Variants in PHRF1 observed in about 807,000 individuals in gnomAD.
PHRF1 encodes the protein PHD and RING finger domain-containing protein 1.
PHRF1 carries 53 observed loss-of-function variants against 128.9 expected under a neutral mutation model. The ratio of observed to expected loss-of-function variants is 0.41; its 90% CI spans 0.33 to 0.52. The LOEUF (loss-of-function observed/expected upper bound fraction) is 0.52, where lower values mean the gene tolerates loss of function less well. Among genes scored for constraint, PHRF1 ranks in the 20% least tolerant of loss-of-function variants. The pLI, the probability that PHRF1 is intolerant of heterozygous loss-of-function variation, is 0.21. For synonymous variants in PHRF1, 1,178 were observed against 980.6 expected, an observed-to-expected ratio of 1.20 and a Z score of -3.76; for missense variants, 2,503 against 2,284.5, an observed-to-expected ratio of 1.10 and a Z score of -1.95.
chr11:578,366 C>T (rs959878254), intron 1 of PHRF1, among the ~76,000 whole-genome samples: 4 of 152,170 alleles, frequency 2.6e-5, no homozygotes, highest in African/African-American at 4.8e-5. Context: ...GTAAGAGGCC[C>T]GTGGAGTCTT....
Position 610,509 on chromosome 11 carries a change from C to T in PHRF1, c.4425C>T (p.Ser1475=). 6.2e-7 allele frequency: 1 copy of T among 1,603,440 alleles called. No individual in the cohort carries two copies. Among genetic ancestry groups the T allele is most frequent in the Non-Finnish European group, 8.5e-7 (1 of 1,178,448 alleles). Residue 1475 remains serine (S), a synonymous_variant, in exon 16 of 18, where the codon AGC becomes AGT. Transcript: ENST00000264555. ...AGGGGTGTCCCTCCCAGGTTTACAG[C>T]CCCGGCCTGCCGCCTGCCCCGGCCC... ...FPDTDPSQVY[S]PGLPPAPAQP...
At chr11:590,730 T>C (rs1261920094) in intron 4 of PHRF1, among the ~76,000 whole-genome samples, 1 of 152,064 alleles carries the variant, frequency 6.6e-6, no homozygotes, top group Non-Finnish European at 1.5e-5. Context: ...TGAGATGGAG[T>C]TTGGCTCTTG....
At chr11:610,406 A>C in intron 15 of PHRF1, 59 bp downstream of exon 15, 1 of 1,538,376 alleles carries the variant, frequency 6.5e-7, no homozygotes, top group Non-Finnish European at 8.8e-7. Context: ...CCCGTGCCAC[A>C]CACACCACAC....
chr11:608,512 C>T lies in PHRF1; in HGVS notation c.3056C>T (p.Ser1019Phe). ...TCCAGGGAGCACGGACGGACGCGCT[C>T]TGGGACGCGCTCTGAATCCAGGGAC... ...RVSREHGRTRSGTRSESRDRS... is the reference protein window; with the variant it reads ...RVSREHGRTRFGTRSESRDRS... Residue 1019 changes from serine to phenylalanine, a missense_variant, in exon 14 of 18, where the codon TCT (serine) becomes TTT (phenylalanine). Transcript: ENST00000264555. 1.4e-6 allele frequency: 2 copies of T among 1,448,056 alleles called. No individual in the cohort carries two copies. Among genetic ancestry groups the T allele is most frequent in the Non-Finnish European group, 1.9e-6 (2 of 1,074,904 alleles). The allele number at this position is 1,448,056 out of a possible 1,614,324, so 89.7% of individuals were successfully genotyped here. A position where few individuals can be genotyped will look rare whatever the true frequency, so the allele number is the denominator to read the frequency against.
intron 6 of PHRF1, among the ~76,000 whole-genome samples, chr11:595,267 G>A (rs1855213632): frequency 6.6e-6 from 1 of 152,190 alleles, no homozygotes. Context: ...AGGTTGCAGT[G>A]AGCCGAGATT....
chr11:610,804 CTTTGAAACTAAAGTTG>C, intron 16 of PHRF1, 43 bp downstream of exon 16: 1 of 1,590,418 alleles, frequency 6.3e-7, no homozygotes, highest in Non-Finnish European at 8.5e-7. Context: ...TCCCATCTTA[CTTTGAAACTAAAGTTG>C]TTGGGGCTGA....
chr11:585,170 C>T (rs1854457991), intron 3 of PHRF1, among the ~76,000 whole-genome samples: 2 of 152,214 alleles, frequency 1.3e-5, no homozygotes, highest in South Asian at 2.1e-4. Flanking sequence ...ATTGCTTTTC[C>T]CACCCTGGTG....
chr11:607,450 C>G lies in PHRF1; in HGVS notation c.1994C>G (p.Pro665Arg), dbSNP rs1777739890. ...CCATGTCGCAGTGTGGTGCCGGGGC[C>G]TCCCCTGAAGCCAGCGCCCAGAAGA... ...KPPCRSVVPG[P>R]PLKPAPRRTD... Residue 665 changes from proline to arginine, a missense_variant, in exon 14 of 18, where the codon CCT becomes CGT. By Grantham distance (103) the Pro-to-Arg change is moderately radical. Coordinates refer to ENST00000264555, the MANE Select transcript of PHRF1 (RefSeq NM_001286581.2). The G allele has an allele frequency of 6.2e-7, 1 of 1,612,860 alleles. No individual in the cohort carries two copies. Among genetic ancestry groups the G allele is most frequent in the Non-Finnish European group, 8.5e-7 (1 of 1,179,890 alleles).
intron 10 of PHRF1, 117 bp downstream of exon 10, chr11:601,818 G>A: frequency 7.7e-7 from 1 of 1,298,188 alleles, no homozygotes; most frequent in Non-Finnish European, 1.1e-6. Flanking sequence ...TATGGAGCAG[G>A]GATCATCATC....
At position 581,878 on chromosome 11, in the gene PHRF1, C is replaced by G. The variant is rs530664484; in HGVS notation, c.95-84C>G. On this transcript the variant is annotated intron_variant, in intron 2 of 17. Transcript: ENST00000264555. Reference sequence around the variant, plus strand: ...AGCCGTTTGGCAGGTGCTCCTGACGCCTCTATGCCTGTGCAAAGCAACCTG... The same window carrying G: ...AGCCGTTTGGCAGGTGCTCCTGACGGCTCTATGCCTGTGCAAAGCAACCTG... 137 of 1,471,444 alleles carry G rather than the reference C, an allele frequency of 9.3e-5. 1 individual carries two copies. The African/African-American group carries it at 1.8e-3, about 19-fold the overall frequency. The allele number at this position is 1,471,444 out of a possible 1,614,324, so 91.1% of individuals were successfully genotyped here.
intron 1 of PHRF1, among the ~76,000 whole-genome samples, chr11:579,708 G>A (rs1854098332): frequency 6.6e-6 from 1 of 152,220 alleles, no homozygotes; most frequent in Non-Finnish European, 1.5e-5. Context: ...TCACCTTAGG[G>A]TGGCAGGTAG....
chr11:599,346 G>A (rs1855500068), intron 9 of PHRF1, among the ~76,000 whole-genome samples: 1 of 148,840 alleles, frequency 6.7e-6, no homozygotes, highest in African/African-American at 2.5e-5. Flanking sequence ...CACCTTCCGG[G>A]TTCAAGTGTT....
intron 17 of PHRF1, 142 bp downstream of exon 17, chr11:611,224 C>A: frequency 7.4e-7 from 1 of 1,356,578 alleles, no homozygotes; most frequent in Non-Finnish European, 1.0e-6. Context: ...GGCTGTATTG[C>A]CACATCCTGT....
Position 597,967 on chromosome 11 carries a change from C to G in PHRF1, c.894+397C>G, listed in dbSNP as rs552795964. 1.3e-5 allele frequency among the ~76,000 whole-genome samples: 2 copies of G among 152,350 alleles called. No individual in the cohort carries two copies. The highest frequency in any genetic ancestry group is 4.1e-4 in the South Asian group (2 of 4,832). On this transcript the variant is annotated intron_variant, in intron 8 of 17. Transcript: ENST00000264555. This position sits in a 1 kb window ranked among gnomAD's most constrained non-coding sequence, Gnocchi z 6.5. ...CCTCCGTCCTGACAGCAGCCTTTCC[C>G]TGGGCATTGGACAAGCAGGAGGGTC...
chr11:611,520 A>C, intron 17 of PHRF1, 114 bp from the exon 18 acceptor site: 1 of 1,457,100 alleles, frequency 6.9e-7, no homozygotes, highest in Non-Finnish European at 9.3e-7. Context: ...TGCGTGCTGC[A>C]CCTAGGGCCT....
Position 608,371 on chromosome 11 carries a change from C to T in PHRF1, c.2915C>T (p.Pro972Leu). ...ACTGTCGTGGAGCCGGAAGCCCCAC[C>T]CAGCCCGGACGTGCTGCAGGCTGCC... ...CVTVVEPEAPPSPDVLQAATH... is the reference protein window; with the variant it reads ...CVTVVEPEAPLSPDVLQAATH... The change falls in exon 14 of 18, where the codon CCC becomes CTC. Residue 972 changes from proline (P) to leucine (L), a missense_variant. Transcript: ENST00000264555. 2 of 1,611,130 alleles carry T rather than the reference C, an allele frequency of 1.2e-6. No individual in the cohort carries two copies. The highest frequency in any genetic ancestry group is 1.1e-5 in the South Asian group (1 of 90,936).
intron 10 of PHRF1, among the ~76,000 whole-genome samples, chr11:603,009 C>T (rs1855731257): frequency 6.6e-6 from 1 of 151,970 alleles, no homozygotes; most frequent in Non-Finnish European, 1.5e-5. Flanking sequence ...GATCTGCCCA[C>T]CTCGGCCCCC....
At chr11:589,333 G>C (rs1003071928) in intron 4 of PHRF1, among the ~76,000 whole-genome samples, 1 of 152,216 alleles carries the variant, frequency 6.6e-6, no homozygotes, top group African/African-American at 2.4e-5. Context: ...TTGCTCCATA[G>C]AGAGGTTGAG....
chr11:590,577 A>C (rs920876343), intron 4 of PHRF1, among the ~76,000 whole-genome samples: 3 of 152,196 alleles, frequency 2.0e-5, no homozygotes, highest in African/African-American at 7.2e-5. Context: ...ATTCAGTTAA[A>C]ATCAGTGTTT....
Sources: gnomAD v4.1 joint callset for allele counts (sites outside exome capture counted in the v4.1 genomes callset) on GRCh38, gnomAD v4.1.1 for gene constraint, Gnocchi (gnomAD v3.1) non-coding constraint, MANE v1.5 for transcripts, NCBI Gene and HGNC (gene_info 2026-07-23, HGNC 2026-07-21) for gene names.